CDH18: variants seen among roughly 807,000 people sequenced by gnomAD.
CDH18 encodes cadherin-18.
Under a neutral mutation model 67.9 loss-of-function variants are expected in CDH18, and 31 were observed. That is an observed-to-expected ratio of 0.46 (90% confidence interval 0.34 to 0.62). CDH18 has a LOEUF of 0.62. Ranked by LOEUF, CDH18 falls within the 20% of genes least tolerant of loss-of-function variation. CDH18 has a pLI of 0.01. For synonymous variants in CDH18, 362 were observed against 347.2 expected, an observed-to-expected ratio of 1.04 and a Z score of -0.48; for missense variants, 890 against 975.5, an observed-to-expected ratio of 0.91 and a Z score of 1.17.
chr5:20,476,423 C>T (rs889302880), intron 1 of CDH18, among the ~76,000 whole-genome samples: 13 of 151,286 alleles, frequency 8.6e-5, no homozygotes, highest in Non-Finnish European at 4.4e-5. Context: ...ATCTTGAAGA[C>T]TTTTTTTGAA....
At chr5:19,974,924 T>G (rs1425681737) in intron 2 of CDH18, among the ~76,000 whole-genome samples, 1 of 152,096 alleles carries the variant, frequency 6.6e-6, no homozygotes, top group East Asian at 1.9e-4. Flanking sequence ...TTTAAGTAAG[T>G]GTGTCCCGTA....
intron 1 of CDH18, among the ~76,000 whole-genome samples, chr5:20,297,690 T>C (rs1246388035): frequency 6.6e-6 from 1 of 152,164 alleles, no homozygotes; most frequent in African/African-American, 2.4e-5. Flanking sequence ...CTTTTTCTTA[T>C]AACATCTTTC....
chr5:20,129,269 A>C (rs764103995), intron 2 of CDH18, among the ~76,000 whole-genome samples: 1 of 152,010 alleles, frequency 6.6e-6, no homozygotes, highest in Admixed American at 6.6e-5. Flanking sequence ...ATATATCTAT[A>C]TCTTTATCAA....
intron 3 of CDH18, among the ~76,000 whole-genome samples, chr5:19,776,427 A>C (rs1774387829): frequency 6.6e-6 from 1 of 152,190 alleles, no homozygotes. Context: ...TTCTTTATGC[A>C]AATTATGTAT....
At chr5:20,113,323 A>G (rs1323135772) in intron 2 of CDH18, among the ~76,000 whole-genome samples, 1 of 152,190 alleles carries the variant, frequency 6.6e-6, no homozygotes, top group Admixed American at 6.5e-5. Flanking sequence ...CTTGGCCAAC[A>G]TATTAGTCTT....
chr5:20,046,690 C>CTA lies in CDH18; in HGVS notation c.-517-54678_-517-54677dup, dbSNP rs961063968. ...TGTGTGTGTGTGTATATATATATCT[C>CTA]TATATATATATAATCAAAGATGAGG... On this transcript the variant is annotated intron_variant, in intron 2 of 14. Transcript: ENST00000507958. Among the ~76,000 whole-genome samples the CTA allele has an allele frequency of 1.1e-4, 16 of 148,468 alleles. No individual in the cohort carries two copies. The South Asian group carries it at 1.5e-3, about 14-fold the overall frequency.
intron 1 of CDH18, chr5:20,305,227 A>C: frequency 7.2e-7 from 1 of 1,382,040 alleles, no homozygotes; most frequent in Non-Finnish European, 1.0e-6. Flanking sequence ...ACCACTACCA[A>C]ATCCAGGAAA....
At chr5:20,261,243 A>G (rs185409895) in intron 1 of CDH18, among the ~76,000 whole-genome samples, 13 of 152,312 alleles carry the variant, frequency 8.5e-5, no homozygotes, top group African/African-American at 3.1e-4. Flanking sequence ...ATATTATGCC[A>G]TATATTCTTA....
intron 5 of CDH18, among the ~76,000 whole-genome samples, chr5:19,656,548 T>A (rs1256602140): frequency 6.6e-6 from 1 of 152,202 alleles, no homozygotes; most frequent in East Asian, 1.9e-4. Flanking sequence ...AGAAAATTAT[T>A]CCAGCTGAAC....
chr5:19,861,388 G>T (rs1784892800), intron 2 of CDH18, among the ~76,000 whole-genome samples: 1 of 152,102 alleles, frequency 6.6e-6, no homozygotes, highest in South Asian at 2.1e-4. Flanking sequence ...GCTAGGCTGG[G>T]TATACCAGAG....
Position 19,483,540 on chromosome 5 carries a change from C to G in CDH18, c.1643G>C (p.Ser548Thr). The change falls in exon 12 of 13, where the codon AGC becomes ACC. Residue 548 changes from serine to threonine, a missense_variant. Around this residue, in one of 2 missense-constraint regions of CDH18, gnomAD observed 656 missense variants for 668.1 expected, o/e 0.98. Transcript: ENST00000382275. ...TLKDNEDNTA[S>T]ILTRRRRFSR... ...AAATCTCCTCCGCCTTGTCAGAATGCTGGCTGTGTTATCTATGATAGACAT... is the reference window on the plus strand; with the variant it reads ...AAATCTCCTCCGCCTTGTCAGAATGGTGGCTGTGTTATCTATGATAGACAT... The G allele has an allele frequency of 6.2e-7, 1 of 1,611,112 alleles. No homozygotes were observed. The highest frequency in any genetic ancestry group is 8.5e-7 in the Non-Finnish European group (1 of 1,178,336).
intron 9 of CDH18, among the ~76,000 whole-genome samples, chr5:19,526,024 A>C (rs1381885935): frequency 6.6e-6 from 1 of 152,172 alleles, no homozygotes; most frequent in African/African-American, 2.4e-5. Context: ...ATAAATATAA[A>C]TCATATTCTC....
chr5:19,538,215 G>A (rs1294791242), intron 9 of CDH18, among the ~76,000 whole-genome samples: 1 of 152,136 alleles, frequency 6.6e-6, no homozygotes, highest in Non-Finnish European at 1.5e-5. Context: ...ATCCCAGCTG[G>A]CACATGATCT....
At position 19,737,122 on chromosome 5, in the gene CDH18, G is replaced by A. The variant is rs142958284; in HGVS notation, c.523+9820C>T. The stretch of plus-strand genomic sequence containing the variant: ...ATGCGGCCTTCTCTCTGCGTGATGT[G>A]CCCTCACCTTCTACCTTCACAGTGT... On this transcript the variant is annotated intron_variant, in intron 4 of 12. Transcript: ENST00000382275. Among the ~76,000 whole-genome samples, 30 of 152,156 alleles carry A rather than the reference G, an allele frequency of 2.0e-4. No individual in the cohort carries two copies. The East Asian group carries it at 5.6e-3, about 29-fold the overall frequency.
intron 1 of CDH18, among the ~76,000 whole-genome samples, chr5:20,317,376 G>T (rs1024035226): frequency 6.6e-6 from 1 of 151,948 alleles, no homozygotes; most frequent in Admixed American, 6.6e-5. Context: ...TATATTAGAG[G>T]ATAAATCTTT....
chr5:19,622,197 G>A (rs114228248), intron 5 of CDH18, among the ~76,000 whole-genome samples: 1,864 of 152,238 alleles, frequency 0.012, 25 homozygotes, highest in South Asian at 0.022. Context: ...TCAAAGGTCC[G>A]CATTGTAGGG....
rs183087867 is a variant in CDH18 at position 19,647,491 on chromosome 5, T to A, written c.644-34890A>T. On this transcript the variant is annotated intron_variant, in intron 5 of 12. Transcript: ENST00000382275. ...GTTGCAGTGAGCCAAGATCATGCCA[T>A]TGTACTCCAGCCCAGGTGACAGAGC... Among the ~76,000 whole-genome samples the A allele has an allele frequency of 2.2e-3, 288 of 129,850 alleles. 3 individuals carry two copies. The highest frequency in any genetic ancestry group is 0.011 in the Admixed American group (117 of 11,114). 85.2% of individuals were successfully genotyped at this position (129,850 alleles called of 152,430 possible).
At chr5:20,084,316 C>G (rs2150548542) in intron 2 of CDH18, among the ~76,000 whole-genome samples, 1 of 152,324 alleles carries the variant, frequency 6.6e-6, no homozygotes, top group East Asian at 1.9e-4. Context: ...TGCCTCACAT[C>G]CAGGTCATGC....
At chr5:19,578,269 G>A (rs568372344) in intron 7 of CDH18, among the ~76,000 whole-genome samples, 5 of 152,118 alleles carry the variant, frequency 3.3e-5, no homozygotes, top group Admixed American at 2.6e-4. Flanking sequence ...GCTTTAAATA[G>A]TATTGCAGTT....
Sources: gnomAD v4.1 joint callset for allele counts (sites outside exome capture counted in the v4.1 genomes callset) on GRCh38, gnomAD v4.1.1 for gene constraint, gnomAD v4.1.1 regional missense constraint, MANE v1.5 for transcripts, NCBI Gene and HGNC (gene_info 2026-07-23, HGNC 2026-07-21) for gene names.